ZDHHC21: variants seen among roughly 807,000 people sequenced by gnomAD.
ZDHHC21 encodes the protein palmitoyltransferase ZDHHC21.
A neutral mutation model predicts 34.6 loss-of-function variants in ZDHHC21; 15 were observed. The observed-to-expected ratio is 0.43, with a 90% CI of 0.29 to 0.67. The LOEUF (loss-of-function observed/expected upper bound fraction) is 0.67, where lower values mean the gene tolerates loss of function less well. ZDHHC21 is among the 30% of genes least tolerant of loss of function. The pLI is 0.14. For synonymous variants in ZDHHC21, 142 were observed against 101.8 expected (o/e 1.40, Z -2.38); for missense variants, 344 against 327.7 (o/e 1.05, Z -0.38).
chr9:14,637,828 G>A (rs1004535937), intron 8 of ZDHHC21, among the ~76,000 whole-genome samples: 1 of 151,962 alleles, frequency 6.6e-6, no homozygotes, highest in Non-Finnish European at 1.5e-5. Flanking sequence ...AACCAAGGAG[G>A]TGAAAGATCT....
At chr9:14,656,421 A>T (rs1199706323) in intron 7 of ZDHHC21, among the ~76,000 whole-genome samples, 1 of 151,952 alleles carries the variant, frequency 6.6e-6, no homozygotes, top group African/African-American at 2.4e-5. Context: ...TAACTTGATA[A>T]TATGTATGAA....
chr9:14,644,496 G>A (rs1829942240), intron 7 of ZDHHC21, among the ~76,000 whole-genome samples: 2 of 151,750 alleles, frequency 1.3e-5, no homozygotes, highest in South Asian at 4.1e-4. Context: ...ATAGTTGGTT[G>A]ATTTTGTGTG....
intron 3 of ZDHHC21, among the ~76,000 whole-genome samples, chr9:14,676,419 G>C (rs1836385776): frequency 6.6e-6 from 1 of 151,466 alleles, no homozygotes; most frequent in Admixed American, 6.6e-5. Context: ...CTGAAACAAA[G>C]AAAAAGAGAT....
intron 8 of ZDHHC21, among the ~76,000 whole-genome samples, chr9:14,621,654 T>G (rs1223573409): frequency 6.6e-6 from 1 of 152,132 alleles, no homozygotes; most frequent in African/African-American, 2.4e-5. Flanking sequence ...TTATCCAGAA[T>G]ACTGTTATAA....
intron 7 of ZDHHC21, among the ~76,000 whole-genome samples, chr9:14,656,213 G>T (rs1405003155): frequency 6.6e-6 from 1 of 151,772 alleles, no homozygotes; most frequent in East Asian, 1.9e-4. Flanking sequence ...TCAGATCATT[G>T]GAATATTTAG....
At position 14,618,876 on chromosome 9, in the gene ZDHHC21, T is replaced by C; in HGVS notation, c.*90A>G. On this transcript the variant is annotated 3_prime_UTR_variant, in exon 10 of 10. Transcript: ENST00000380916. ...CCTAAGACTGGTGGGTGGATTTTAA[T>C]TGACTTGAAGACTGTCATAGTTCTA... The C allele has an allele frequency of 2.9e-6, 4 of 1,371,806 alleles. No individual in the cohort carries two copies. The highest frequency in any genetic ancestry group is 1.5e-5 in the African/African-American group (1 of 67,680). The allele number at this position is 1,371,806 out of a possible 1,614,324, so 85.0% of individuals were successfully genotyped here. A position where few individuals can be genotyped will look rare whatever the true frequency, so the allele number is the denominator to read the frequency against.
At chr9:14,671,310 C>T (rs891125133) in intron 5 of ZDHHC21, among the ~76,000 whole-genome samples, 3 of 152,014 alleles carry the variant, frequency 2.0e-5, no homozygotes, top group Non-Finnish European at 2.9e-5. Context: ...TTAAGGGACC[C>T]TCACTCAATT....
chr9:14,675,978 G>A (rs1018735682), intron 3 of ZDHHC21, among the ~76,000 whole-genome samples: 1 of 151,966 alleles, frequency 6.6e-6, no homozygotes, highest in Non-Finnish European at 1.5e-5. Flanking sequence ...TTTCTGTGGA[G>A]AGTGAGTGCT....
At chr9:14,657,543 G>C (rs1280759988) in intron 7 of ZDHHC21, among the ~76,000 whole-genome samples, 1 of 152,032 alleles carries the variant, frequency 6.6e-6, no homozygotes, top group Non-Finnish European at 1.5e-5. Flanking sequence ...AATATTTTAG[G>C]CTTTACAGAC....
At chr9:14,646,459 T>C (rs1006100794) in intron 7 of ZDHHC21, among the ~76,000 whole-genome samples, 5 of 152,070 alleles carry the variant, frequency 3.3e-5, no homozygotes, top group African/African-American at 9.7e-5. Flanking sequence ...TAGTTATAAA[T>C]GGCCTATAAA....
At chr9:14,678,589 T>C (rs1245800322) in intron 3 of ZDHHC21, among the ~76,000 whole-genome samples, 1 of 152,114 alleles carries the variant, frequency 6.6e-6, no homozygotes, top group Admixed American at 6.6e-5. Flanking sequence ...TGTAAGCTGA[T>C]ACAATCATCC....
At chr9:14,602,598 C>T in the ZDHHC21 span, among the ~76,000 whole-genome samples, 2 of 151,990 alleles carry the variant, frequency 1.3e-5, no homozygotes, top group Non-Finnish European at 2.9e-5. Context: ...AAGAGAAGAG[C>T]ATCAAGTCAC....
chr9:14,689,482 A>C (rs1838849873), intron 2 of ZDHHC21, among the ~76,000 whole-genome samples: 1 of 152,150 alleles, frequency 6.6e-6, no homozygotes, highest in Non-Finnish European at 1.5e-5. Flanking sequence ...TCAAGAATCC[A>C]CTCTGTAGAC....
rs1564190804 is a variant in ZDHHC21, at chr9:14,619,105, A to AAGAC, written c.666-11_666-8dup. On this transcript the variant is annotated splice_region_variant and splice_polypyrimidine_tract_variant and intron_variant, in intron 9 of 9. Transcript: ENST00000380916. ...TGGCTTTCGGGGCCTCGATCTACAG[A>AAGAC]AGACAGCATTATTAGTGAAAGACAG... The AAGAC allele has an allele frequency of 2.5e-6, 4 of 1,598,148 alleles. No homozygotes were observed. Among genetic ancestry groups the AAGAC allele is most frequent in the Non-Finnish European group, 2.6e-6 (3 of 1,172,864 alleles).
intron 8 of ZDHHC21, among the ~76,000 whole-genome samples, chr9:14,636,284 T>C (rs1259981925): frequency 2.0e-5 from 3 of 152,150 alleles, no homozygotes; most frequent in Non-Finnish European, 2.9e-5. Context: ...TTATATCAGA[T>C]ATGCAGACTT....
chr9:14,645,493 C>T (rs1179450856), intron 7 of ZDHHC21, among the ~76,000 whole-genome samples: 1 of 151,854 alleles, frequency 6.6e-6, no homozygotes, highest in Non-Finnish European at 1.5e-5. Context: ...AATATAGTAC[C>T]TAGATGATAA....
rs1289544982 is a variant in ZDHHC21 at position 14,611,083 on chromosome 9, A to T, written c.*7883T>A. 7.2e-5 allele frequency: 11 copies of T among 152,210 alleles called. No individual in the cohort carries two copies. Among genetic ancestry groups the T allele is most frequent in the Admixed American group, 7.2e-4 (11 of 15,270 alleles). The allele number at this position is 152,210 out of a possible 1,614,324, so 9.4% of individuals were successfully genotyped here. ...ATAAAAACAGTCCTACGTTTTTAAA[A>T]AATATTTATTTAAAAATAAGATTTC... On this transcript the variant is annotated 3_prime_UTR_variant, in exon 10 of 10. Coordinates refer to ENST00000380916, the MANE Select transcript of ZDHHC21 (RefSeq NM_178566.6).
intron 7 of ZDHHC21, among the ~76,000 whole-genome samples, chr9:14,647,172 C>T (rs976518046): frequency 6.6e-6 from 1 of 152,066 alleles, no homozygotes; most frequent in African/African-American, 2.4e-5. Flanking sequence ...GAGAGGGTCA[C>T]TCTCATGAAA....
At position 14,613,149 on chromosome 9, in the gene ZDHHC21, T is replaced by C. The variant is rs959719327; in HGVS notation, c.*5817A>G. 10 of 151,578 alleles carry C rather than the reference T, an allele frequency of 6.6e-5. No homozygotes were observed. Among genetic ancestry groups the C allele is most frequent in the East Asian group, 5.8e-4 (3 of 5,180 alleles). The allele number at this position is 151,578 out of a possible 1,614,324, so 9.4% of individuals were successfully genotyped here. On this transcript the variant is annotated 3_prime_UTR_variant, in exon 10 of 10. Coordinates refer to ENST00000380916, the MANE Select transcript of ZDHHC21 (RefSeq NM_178566.6). ...CCATACATGCCTACCTAAAAAAAAATCCAAATGAGAAACATTTAAAATCCA... is the reference window on the plus strand; with the variant it reads ...CCATACATGCCTACCTAAAAAAAAACCCAAATGAGAAACATTTAAAATCCA...
Sources: allele counts gnomAD v4.1 joint callset (sites outside exome capture counted in the v4.1 genomes callset), GRCh38; gene constraint gnomAD v4.1.1; transcripts MANE v1.5; gene names NCBI Gene and HGNC (gene_info 2026-07-23, HGNC 2026-07-21).